The following PHKA1 variants were observed in gnomAD, a reference collection of about 807,000 sequenced individuals.
PHKA1 encodes phosphorylase kinase regulatory subunit alpha 1.
A neutral mutation model predicts 110.2 loss-of-function variants in PHKA1; 60 were observed. The ratio of observed to expected loss-of-function variants is 0.54; its 90% CI spans 0.44 to 0.68. The LOEUF is 0.68. Among genes scored for constraint, PHKA1 ranks in the 30% least tolerant of loss-of-function variants. The pLI is 0.00. For synonymous variants in PHKA1, 316 were observed against 333.6 expected (o/e 0.95, Z 0.58); for missense variants, 801 against 942.5 (o/e 0.85, Z 1.97).
intron 14 of PHKA1, among the ~76,000 whole-genome samples, chrX:72,643,744 G>A (rs1182886920): frequency 1.8e-5 from 2 of 111,601 alleles, no homozygotes; most frequent in African/African-American, 6.5e-5. Context: ...TCTCAAATGA[G>A]TCCATTTGGC....
rs5958772 is a variant in PHKA1 at position 72,713,702 on chromosome X, C to A, written c.78+101G>T. 1,375 of 422,308 alleles carry A rather than the reference C, an allele frequency of 3.3e-3. 3 individuals carry two copies. Among genetic ancestry groups the A allele is most frequent in the African/African-American group, 0.017 (634 of 37,476 alleles). The allele number at this position is 422,308 out of a possible 1,213,427, so 34.8% of individuals were successfully genotyped here. On this transcript the variant is annotated intron_variant, in intron 1 of 31. Transcript: ENST00000373542. ...CACACACACACACACACACACACAC[C>A]CACACACGCACGCACGCACGGAGTT...
At chrX:72,682,226 C>T (rs1445217427) in intron 5 of PHKA1, among the ~76,000 whole-genome samples, 89 of 90,039 alleles carry the variant, frequency 9.9e-4, no homozygotes, top group Non-Finnish European at 1.4e-3. Context: ...CCGCCCCGTC[C>T]GGGAGGGAGG....
chrX:72,670,780 T>C lies in PHKA1; in HGVS notation c.619-3307A>G, dbSNP rs142638543. Reference sequence around the variant, plus strand: ...TCCCTGGGATGCAAGGCTGGTTCAATATACGCAAATCAATAAACGCAATCC... The same window carrying C: ...TCCCTGGGATGCAAGGCTGGTTCAACATACGCAAATCAATAAACGCAATCC... On this transcript the variant is annotated intron_variant, in intron 6 of 31. Transcript: ENST00000373542. Among the ~76,000 whole-genome samples the C allele has an allele frequency of 7.2e-3, 810 of 111,918 alleles. 4 individuals are homozygous for C. Among genetic ancestry groups the C allele is most frequent in the African/African-American group, 0.025 (776 of 30,780 alleles).
chrX:72,681,284 C>T (rs1306318320), intron 5 of PHKA1, among the ~76,000 whole-genome samples: 1 of 104,606 alleles, frequency 9.6e-6, no homozygotes, highest in East Asian at 3.2e-4. Flanking sequence ...AGACCCTCTG[C>T]CTGGCAACCA....
intron 9 of PHKA1, among the ~76,000 whole-genome samples, 158 bp from the exon 10 acceptor site, chrX:72,656,400 T>C (rs1257120896): frequency 1.8e-5 from 2 of 112,555 alleles, no homozygotes; most frequent in Non-Finnish European, 1.9e-5. Flanking sequence ...AAGTACTCTA[T>C]GATGCGACTT....
At chrX:72,710,982 C>T (rs2054370658) in intron 2 of PHKA1, among the ~76,000 whole-genome samples, 1 of 107,061 alleles carries the variant, frequency 9.3e-6, no homozygotes, top group African/African-American at 3.4e-5. Flanking sequence ...CTGCCTCAGC[C>T]TCCCGAGTAG....
At chrX:72,614,620 T>G (rs1011243001) in intron 21 of PHKA1, among the ~76,000 whole-genome samples, 17 of 111,738 alleles carry the variant, frequency 1.5e-4, no homozygotes, top group African/African-American at 5.2e-4. Flanking sequence ...GTAGAGGCTG[T>G]GCTTTGGGTA....
At chrX:72,701,649 G>A (rs782432878) in intron 3 of PHKA1, among the ~76,000 whole-genome samples, 2 of 111,460 alleles carry the variant, frequency 1.8e-5, no homozygotes, top group African/African-American at 6.5e-5. Flanking sequence ...AACCCAGGAG[G>A]TGGAGATTGC....
intron 7 of PHKA1, among the ~76,000 whole-genome samples, chrX:72,666,627 C>A (rs1482135781): frequency 9.0e-6 from 1 of 111,719 alleles, no homozygotes; most frequent in Non-Finnish European, 1.9e-5. Context: ...TAACCAGTTA[C>A]TCACAGATAA....
intron 29 of PHKA1, among the ~76,000 whole-genome samples, chrX:72,588,434 A>G: frequency 8.9e-6 from 1 of 112,203 alleles, no homozygotes; most frequent in Non-Finnish European, 1.9e-5. Flanking sequence ...AGCAGTGTGT[A>G]GAGGGAAATT....
intron 5 of PHKA1, among the ~76,000 whole-genome samples, chrX:72,681,642 C>T (rs1230215923): frequency 1.2e-5 from 1 of 85,358 alleles, no homozygotes; most frequent in Non-Finnish European, 2.3e-5. Flanking sequence ...CCCCTCAGCC[C>T]GGCCAGCCAC....
chrX:72,667,495 T>C, intron 6 of PHKA1, 22 bp from the exon 7 acceptor site: 1 of 1,111,406 alleles, frequency 9.0e-7, no homozygotes. Flanking sequence ...AAGAAAGAAA[T>C]GGACAAGTTT....
rs932277172 is a variant in PHKA1, at chrX:72,580,713, A to C, written c.*289T>G. The C allele has an allele frequency of 2.9e-5, 11 of 380,228 alleles. No individual in the cohort carries two copies. The highest frequency in any genetic ancestry group is 2.8e-4 in the African/African-American group (11 of 39,515). 31.3% of individuals were successfully genotyped at this position (380,228 alleles called of 1,213,427 possible). ...TAACAGATCTAGAGAATAAAAACAC[A>C]TGCAAACTTTTATGAATGATGAAAG... On this transcript the variant is annotated 3_prime_UTR_variant, in exon 32 of 32. Coordinates refer to ENST00000373542, the MANE Select transcript of PHKA1 (RefSeq NM_002637.4).
chrX:72,670,403 G>C (rs1399272547), intron 6 of PHKA1, among the ~76,000 whole-genome samples: 1 of 111,413 alleles, frequency 9.0e-6, no homozygotes, highest in East Asian at 2.8e-4. Context: ...GTCAATTTTG[G>C]CTTTTGTTGC....
chrX:72,682,190 G>A (rs1208128244), intron 5 of PHKA1, among the ~76,000 whole-genome samples: 39 of 87,566 alleles, frequency 4.5e-4, no homozygotes, highest in African/African-American at 1.4e-3. Context: ...CAGCCGCCCC[G>A]TCCGGGAGGG....
rs139590867 is a variant in PHKA1, at chrX:72,588,119, C to T, written c.3244-3817G>A. Among the ~76,000 whole-genome samples the T allele has an allele frequency of 5.8e-3, 654 of 112,106 alleles. 7 individuals carry two copies. The highest frequency in any genetic ancestry group is 0.02 in the African/African-American group (625 of 30,871). Reference sequence around the variant, plus strand: ...TACAGAACTCTCCACCCCAAACCAACGGAATATACATTCTTGTCAGCACCA... The same window carrying T: ...TACAGAACTCTCCACCCCAAACCAATGGAATATACATTCTTGTCAGCACCA... On this transcript the variant is annotated intron_variant, in intron 29 of 31. Coordinates refer to ENST00000373542, the MANE Select transcript of PHKA1 (RefSeq NM_002637.4).
chrX:72,713,815 G>T lies in PHKA1; in HGVS notation c.66C>A (p.Ile22=). ...DGYARLVQQT[I]LCHQNPVTGL... ...CCCCTGCAGTTACCTGATGGCACAG[G>T]ATGGTCTGTTGCACCAGTCGAGCGT... The change falls in exon 1 of 32, where the codon ATC becomes ATA. Residue 22 remains isoleucine, a synonymous_variant. Transcript: ENST00000373542. The T allele has an allele frequency of 1.7e-6, 2 of 1,204,945 alleles. No homozygotes were observed. Among genetic ancestry groups the T allele is most frequent in the Non-Finnish European group, 2.2e-6 (2 of 889,123 alleles).
intron 8 of PHKA1, among the ~76,000 whole-genome samples, chrX:72,659,469 G>A (rs2053535358): frequency 1.8e-5 from 2 of 110,698 alleles, no homozygotes; most frequent in African/African-American, 6.6e-5. Flanking sequence ...CCCTCTCAGT[G>A]GACAAAGTTA....
chrX:72,604,412 G>C (rs1556247805), intron 25 of PHKA1, among the ~76,000 whole-genome samples: 1 of 111,418 alleles, frequency 9.0e-6, no homozygotes, highest in Non-Finnish European at 1.9e-5. Flanking sequence ...ACAGTATCTG[G>C]CATATGGTAG....
Sources: gnomAD v4.1 joint callset for allele counts (sites outside exome capture counted in the v4.1 genomes callset) on GRCh38, gnomAD v4.1.1 for gene constraint, MANE v1.5 for transcripts, NCBI Gene and HGNC (gene_info 2026-07-23, HGNC 2026-07-21) for gene names.